The following PAG1 variants were observed in gnomAD, a reference collection of about 807,000 sequenced individuals.
PAG1 encodes phosphoprotein membrane anchor with glycosphingolipid microdomains 1.
In PAG1, 23 loss-of-function variants were observed where a neutral mutation model predicts 31.7. That is an observed-to-expected ratio of 0.73 (90% confidence interval 0.52 to 1.03). The LOEUF (loss-of-function observed/expected upper bound fraction) is 1.03. Ranked by LOEUF, PAG1 falls within the 50% of genes least tolerant of loss-of-function variation. PAG1 has a pLI of 0.00. For synonymous variants in PAG1, 214 were observed against 210.3 expected, an observed-to-expected ratio of 1.02 and a Z score of -0.15; for missense variants, 473 against 540.7, an observed-to-expected ratio of 0.87 and a Z score of 1.24.
chr8:81,060,235 C>CT (rs972815186), intron 2 of PAG1, among the ~76,000 whole-genome samples: 16 of 152,214 alleles, frequency 1.1e-4, no homozygotes, highest in African/African-American at 3.9e-4. Flanking sequence ...AGGCATCTAG[C>CT]TTTTTTATAA....
intron 1 of PAG1, among the ~76,000 whole-genome samples, chr8:81,089,829 A>G (rs1809418215): frequency 6.6e-6 from 1 of 152,206 alleles, no homozygotes; most frequent in Non-Finnish European, 1.5e-5. Flanking sequence ...GAGAGTCCAT[A>G]AAGAATGGTC....
intron 3 of PAG1, among the ~76,000 whole-genome samples, chr8:81,028,870 C>T (rs1808329852): frequency 6.6e-6 from 1 of 152,188 alleles, no homozygotes; most frequent in South Asian, 2.1e-4. Flanking sequence ...ACATTTCCCT[C>T]ACCCCAAGCC....
intron 3 of PAG1, among the ~76,000 whole-genome samples, chr8:81,022,792 G>A (rs1808212732): frequency 6.6e-6 from 1 of 152,126 alleles, no homozygotes; most frequent in Non-Finnish European, 1.5e-5. Context: ...AGCTGGGACA[G>A]GAAATTATAG....
At chr8:81,109,654 C>T (rs1809744533) in intron 1 of PAG1, among the ~76,000 whole-genome samples, 1 of 152,236 alleles carries the variant, frequency 6.6e-6, no homozygotes, top group Admixed American at 6.5e-5. Context: ...AGATGCATTT[C>T]CTTTCATAAC....
intron 2 of PAG1, among the ~76,000 whole-genome samples, chr8:81,034,227 G>C (rs1479076883): frequency 1.3e-5 from 2 of 152,220 alleles, no homozygotes; most frequent in East Asian, 3.8e-4. Flanking sequence ...TGGTTAAATA[G>C]AACAGTTCAA....
intron 3 of PAG1, among the ~76,000 whole-genome samples, chr8:80,999,543 T>A (rs1807746942): frequency 6.6e-6 from 1 of 152,224 alleles, no homozygotes; most frequent in South Asian, 2.1e-4. Flanking sequence ...CAGGACTCAC[T>A]GCTCATGGGA....
intron 1 of PAG1, among the ~76,000 whole-genome samples, chr8:81,079,744 A>T (rs982277504): frequency 2.6e-5 from 4 of 152,062 alleles, no homozygotes; most frequent in Admixed American, 2.6e-4. Flanking sequence ...ATCGCATGCC[A>T]TGAAGCAAAA....
intron 2 of PAG1, among the ~76,000 whole-genome samples, chr8:81,034,489 T>C (rs148659932): frequency 1.3e-3 from 192 of 152,348 alleles, no homozygotes; most frequent in African/African-American, 4.3e-3. Context: ...ACTTTATCTA[T>C]GTTGCAATGG....
intron 3 of PAG1, among the ~76,000 whole-genome samples, chr8:80,993,903 T>C (rs752921405): frequency 1.1e-4 from 16 of 152,300 alleles, no homozygotes; most frequent in Non-Finnish European, 1.8e-4. Flanking sequence ...GCACCTGGCC[T>C]GGATGGATTC....
intron 1 of PAG1, among the ~76,000 whole-genome samples, chr8:81,085,087 T>C (rs1391078046): frequency 6.6e-6 from 1 of 152,200 alleles, no homozygotes; most frequent in African/African-American, 2.4e-5. Flanking sequence ...TGAGTTAAGA[T>C]GGTTGTTGGG....
intron 3 of PAG1, among the ~76,000 whole-genome samples, chr8:81,017,816 T>C (rs1233154473): frequency 6.6e-6 from 1 of 152,168 alleles, no homozygotes; most frequent in African/African-American, 2.4e-5. Context: ...CTTAATTAGT[T>C]TGAGGGTATA....
At chr8:81,064,456 T>G (rs1808970727) in intron 2 of PAG1, among the ~76,000 whole-genome samples, 1 of 152,138 alleles carries the variant, frequency 6.6e-6, no homozygotes, top group African/African-American at 2.4e-5. Context: ...CTAATCAGCT[T>G]CCTATAGGAG....
intron 2 of PAG1, among the ~76,000 whole-genome samples, chr8:81,051,870 C>A (rs1165418969): frequency 1.3e-5 from 2 of 152,148 alleles, no homozygotes; most frequent in East Asian, 3.9e-4. Flanking sequence ...GTGGCTCACA[C>A]CTGTAATCCC....
At chr8:81,047,055 T>C (rs1366720937) in intron 2 of PAG1, among the ~76,000 whole-genome samples, 1 of 152,240 alleles carries the variant, frequency 6.6e-6, no homozygotes, top group Non-Finnish European at 1.5e-5. Flanking sequence ...CAGTATTCTA[T>C]GGTGCATATG....
chr8:81,062,055 C>T (rs1308995092), intron 2 of PAG1, among the ~76,000 whole-genome samples: 2 of 152,096 alleles, frequency 1.3e-5, no homozygotes, highest in East Asian at 3.9e-4. Context: ...TAAAACAAAG[C>T]AATTTAAAAT....
intron 1 of PAG1, among the ~76,000 whole-genome samples, chr8:81,079,737 G>A (rs190004145): frequency 3.0e-4 from 45 of 151,576 alleles, no homozygotes; most frequent in South Asian, 2.1e-4. Flanking sequence ...TATGCGTATC[G>A]CATGCCATGA....
intron 1 of PAG1, among the ~76,000 whole-genome samples, chr8:81,102,821 G>A (rs1381884363): frequency 2.6e-5 from 4 of 152,102 alleles, no homozygotes; most frequent in Non-Finnish European, 5.9e-5. Flanking sequence ...GGCATTAAAT[G>A]AGTAACATAA....
chr8:80,985,084 C>T lies in PAG1; in HGVS notation c.568G>A (p.Val190Met). The T allele has an allele frequency of 6.2e-7, 1 of 1,614,138 alleles. No individual in the cohort carries two copies. Among genetic ancestry groups the T allele is most frequent in the Non-Finnish European group, 8.5e-7 (1 of 1,180,022 alleles). ...TTCTCCAGGTGTGCAGCTGCAGCCA[C>T]CTCCTTGATCTCTTTCACAGTTTCA... ...LYETVKEIKE[V>M]AAAAHLEKGH... The change falls in exon 7 of 9, where the codon GTG (valine) becomes ATG (methionine). Residue 190 changes from valine to methionine, a missense_variant. Physicochemically the swap from Val to Met is conservative, Grantham distance 21. Coordinates refer to ENST00000220597, the MANE Select transcript of PAG1 (RefSeq NM_018440.4).
chr8:81,061,939 G>A (rs1808924839), intron 2 of PAG1, among the ~76,000 whole-genome samples: 1 of 152,176 alleles, frequency 6.6e-6, no homozygotes, highest in Admixed American at 6.5e-5. Context: ...GCAAATGGGA[G>A]GGATGGGAGG....
Sources: gnomAD v4.1 joint callset for allele counts (sites outside exome capture counted in the v4.1 genomes callset) on GRCh38, gnomAD v4.1.1 for gene constraint, MANE v1.5 for transcripts, NCBI Gene and HGNC (gene_info 2026-07-23, HGNC 2026-07-21) for gene names.